HPCAL1: variants seen among roughly 807,000 people sequenced by gnomAD.
HPCAL1 encodes hippocalcin like 1.
HPCAL1 carries 8 observed loss-of-function variants against 17.1 expected under a neutral mutation model. The observed-to-expected ratio is 0.47, with a 90% CI of 0.27 to 0.84. The LOEUF is 0.84. Among genes scored for constraint, HPCAL1 ranks in the 40% least tolerant of loss-of-function variants. The pLI is 0.13. For missense variants in HPCAL1, 165 were observed against 271.1 expected, an observed-to-expected ratio of 0.61 and a Z score of 2.75; for synonymous variants, 112 against 111.4, an observed-to-expected ratio of 1.01 and a Z score of -0.03.
chr2:10,359,379 C>T lies in HPCAL1; in HGVS notation c.-110-37456C>T, dbSNP rs911647240. Among the ~76,000 whole-genome samples the T allele has an allele frequency of 9.8e-5, 15 of 152,302 alleles. No individual in the cohort carries two copies. Among genetic ancestry groups the T allele is most frequent in the African/African-American group, 3.6e-4 (15 of 41,566 alleles). On this transcript the variant is annotated intron_variant, in intron 1 of 4. Transcript: ENST00000307845. This position sits in a 1 kb window ranked among gnomAD's most constrained non-coding sequence, Gnocchi z 4.1. ...CTCTCACCTCTGTTTTCCCTTCTAGCCCCTGCAGGCAGGAGACTTCAACGC... is the reference window on the plus strand; with the variant it reads ...CTCTCACCTCTGTTTTCCCTTCTAGTCCCTGCAGGCAGGAGACTTCAACGC...
At chr2:10,411,929 C>A (rs1396199985) in intron 2 of HPCAL1, among the ~76,000 whole-genome samples, 1 of 152,172 alleles carries the variant, frequency 6.6e-6, no homozygotes, top group African/African-American at 2.4e-5. Flanking sequence ...GTTCTCCTGT[C>A]CAGTGTCTTT....
intron 2 of HPCAL1, among the ~76,000 whole-genome samples, chr2:10,405,899 C>T (rs757116083): frequency 1.3e-5 from 2 of 152,196 alleles, no homozygotes; most frequent in Admixed American, 6.5e-5. Flanking sequence ...TTGCAGTATG[C>T]GCCAAGTCCC....
intron 1 of HPCAL1, among the ~76,000 whole-genome samples, chr2:10,369,625 T>C (rs1667084647): frequency 6.6e-6 from 1 of 152,140 alleles, no homozygotes; most frequent in Non-Finnish European, 1.5e-5. Context: ...GGAGGTGGGC[T>C]CTGATGGGAC....
At chr2:10,382,593 T>TAA (rs70948887) in intron 1 of HPCAL1, among the ~76,000 whole-genome samples, 10,798 of 127,840 alleles carry the variant, frequency 0.084, 505 homozygotes, top group Middle Eastern at 0.18. Context: ...GTTCATTAAT[T>TAA]AAAAAAAAAA....
intron 1 of HPCAL1, among the ~76,000 whole-genome samples, chr2:10,319,770 G>A (rs551987938): frequency 6.6e-6 from 1 of 151,838 alleles, no homozygotes; most frequent in African/African-American, 2.4e-5. Flanking sequence ...CATTCACATC[G>A]TGTCTACTAT....
intron 1 of HPCAL1, among the ~76,000 whole-genome samples, chr2:10,341,059 C>CT (rs1665046348): frequency 6.6e-6 from 1 of 152,122 alleles, no homozygotes; most frequent in Non-Finnish European, 1.5e-5. Flanking sequence ...CTTCATGTGT[C>CT]TGGAGGCAGG....
In HPCAL1 at chr2:10,303,186, G is replaced by A. The variant is rs1183307966; in HGVS notation, c.-111+9G>A. ...GTCCTGCGCCGGAGCAGGTAGGGAA[G>A]GGGCGGGCTGCGGTCTGCTGGCTGC... On this transcript the variant is annotated intron_variant, in intron 1 of 4. Transcript: ENST00000307845. 4 of 152,146 alleles carry A rather than the reference G, an allele frequency of 2.6e-5. No individual in the cohort carries two copies. Among genetic ancestry groups the A allele is most frequent in the Non-Finnish European group, 4.4e-5 (3 of 68,032 alleles). 9.4% of individuals were successfully genotyped at this position (152,146 alleles called of 1,614,324 possible). A position where few individuals can be genotyped will look rare whatever the true frequency, so the allele number is the denominator to read the frequency against.
chr2:10,383,538 T>G lies in HPCAL1; in HGVS notation c.-110-13297T>G, dbSNP rs139539100. ...CCACCACACCCAGCTAATTTTTGTA[T>G]TTTTAGTAGAGACTGGGTTTCACTA... is the stretch of plus-strand genomic sequence containing the variant. On this transcript the variant is annotated intron_variant, in intron 1 of 4. Transcript: ENST00000307845. Among the ~76,000 whole-genome samples the G allele has an allele frequency of 4.6e-5, 7 of 152,230 alleles. 1 individual carries two copies. The highest frequency in any genetic ancestry group is 2.1e-4 in the South Asian group (1 of 4,820).
At chr2:10,379,993 G>T (rs1290267676) in intron 1 of HPCAL1, among the ~76,000 whole-genome samples, 1 of 152,184 alleles carries the variant, frequency 6.6e-6, no homozygotes. Context: ...CCTCTTGTTA[G>T]GGAAGGTGGA....
intron 1 of HPCAL1, among the ~76,000 whole-genome samples, chr2:10,313,284 C>A (rs1403258430): frequency 6.6e-6 from 1 of 152,226 alleles, no homozygotes; most frequent in Admixed American, 6.5e-5. Flanking sequence ...TTGTCCATCT[C>A]TCCCAGGGTG....
chr2:10,400,655 C>T (rs1033524482), intron 2 of HPCAL1, among the ~76,000 whole-genome samples: 1 of 152,196 alleles, frequency 6.6e-6, no homozygotes, highest in Non-Finnish European at 1.5e-5. Context: ...GATGACTTGG[C>T]AGTATCACTT....
chr2:10,350,554 C>G (rs957260801), intron 1 of HPCAL1, among the ~76,000 whole-genome samples: 1 of 152,112 alleles, frequency 6.6e-6, no homozygotes, highest in African/African-American at 2.4e-5. Context: ...TCAAGCGATC[C>G]ATCTGCCTCA....
rs1288598404 is a variant in HPCAL1, at chr2:10,343,756, A to T, written c.-111+40579A>T. 6.6e-6 allele frequency among the ~76,000 whole-genome samples: 1 copy of T among 152,256 alleles called. No individual in the cohort carries two copies. Among genetic ancestry groups the T allele is most frequent in the Non-Finnish European group, 1.5e-5 (1 of 68,050 alleles). On this transcript the variant is annotated intron_variant, in intron 1 of 4. Coordinates refer to ENST00000307845, the MANE Select transcript of HPCAL1 (RefSeq NM_002149.4). This position sits in a 1 kb window ranked among gnomAD's most constrained non-coding sequence, Gnocchi z 4.8. Reference sequence around the variant, plus strand: ...GACTTTTAGATCAGTGGCAGATGGCATAGAAAGTCTTTCTGCTGTTCTCTT... The same window carrying T: ...GACTTTTAGATCAGTGGCAGATGGCTTAGAAAGTCTTTCTGCTGTTCTCTT...
intron 1 of HPCAL1, among the ~76,000 whole-genome samples, chr2:10,321,588 G>GA (rs528161033): frequency 2.6e-5 from 4 of 152,072 alleles, no homozygotes; most frequent in Non-Finnish European, 4.4e-5. Context: ...CATCACCCCA[G>GA]AAAAAAATCT....
chr2:10,336,568 T>C (rs1336478542), intron 1 of HPCAL1, among the ~76,000 whole-genome samples: 1 of 152,196 alleles, frequency 6.6e-6, no homozygotes, highest in African/African-American at 2.4e-5. Flanking sequence ...CAAATCTTAG[T>C]GGTTTGCAGC....
intron 1 of HPCAL1, among the ~76,000 whole-genome samples, chr2:10,336,474 G>A (rs574655097): frequency 3.3e-5 from 5 of 152,298 alleles, no homozygotes; most frequent in East Asian, 1.9e-4. Flanking sequence ...TTAGGTGGAC[G>A]TGTAGGTTGT....
chr2:10,315,422 G>A (rs1342168313), intron 1 of HPCAL1, among the ~76,000 whole-genome samples: 1 of 152,160 alleles, frequency 6.6e-6, no homozygotes, highest in Admixed American at 6.5e-5. Flanking sequence ...GGGATCATGG[G>A]TCTTTCTTGA....
Position 10,386,901 on chromosome 2 carries a change from C to T in HPCAL1, c.-110-9934C>T, listed in dbSNP as rs1572781306. On this transcript the variant is annotated intron_variant, in intron 1 of 4. Transcript: ENST00000307845. ...TCACTGGGGCTGCTTTCCTCCCTCT[C>T]TTATTGCTCTCTGGGTGAGAGTTGG... Among the ~76,000 whole-genome samples, 3 of 152,332 alleles carry T rather than the reference C, an allele frequency of 2.0e-5. No individual in the cohort carries two copies. The Middle Eastern group carries it at 0.01, about 518-fold the overall frequency.
rs1382223721 is a variant in HPCAL1, at chr2:10,344,922, T to C, written c.-111+41745T>C. 6.6e-6 allele frequency among the ~76,000 whole-genome samples: 1 copy of C among 152,168 alleles called. No homozygotes were observed. Among genetic ancestry groups the C allele is most frequent in the Middle Eastern group, 3.2e-3 (1 of 316 alleles). The stretch of plus-strand genomic sequence containing the variant: ...TTCTCTTTCTCTCTGTGTGTCTCTC[T>C]CTCTGTGCCTTTCAGTCTCTTTCTG... On this transcript the variant is annotated intron_variant, in intron 1 of 4. Coordinates refer to ENST00000307845, the MANE Select transcript of HPCAL1 (RefSeq NM_002149.4). The surrounding 1 kb of genome is among the most constrained non-coding windows in gnomAD (Gnocchi z 4.9).
Sources: gnomAD v4.1 joint callset for allele counts (sites outside exome capture counted in the v4.1 genomes callset) on GRCh38, gnomAD v4.1.1 for gene constraint, Gnocchi (gnomAD v3.1) non-coding constraint, MANE v1.5 for transcripts, NCBI Gene and HGNC (gene_info 2026-07-23, HGNC 2026-07-21) for gene names.